The following LOC400499 variants were observed in gnomAD, a reference collection of about 807,000 sequenced individuals.
At chr16:11,455,323 G>T in the LOC400499 span, among the ~76,000 whole-genome samples, 40 of 152,276 alleles carry the variant, frequency 2.6e-4, no homozygotes, top group East Asian at 7.1e-3. Context: ...AACCTATGGA[G>T]AAGGCCTAAA....
At chr16:11,516,274 G>T in the LOC400499 span, 1 of 399,664 alleles carries the variant, frequency 2.5e-6, no homozygotes, top group Non-Finnish European at 4.4e-6. Flanking sequence ...CAGAGTGCAG[G>T]ATGAAGCGGA....
chr16:11,508,338 C>A, the LOC400499 span, among the ~76,000 whole-genome samples: 4 of 152,336 alleles, frequency 2.6e-5, no homozygotes, highest in East Asian at 7.7e-4. Flanking sequence ...CCAGGAGTTT[C>A]GGAGGAGGCC....
the LOC400499 span, among the ~76,000 whole-genome samples, chr16:11,410,860 G>C: frequency 1.3e-5 from 2 of 152,230 alleles, no homozygotes; most frequent in Admixed American, 1.3e-4. Flanking sequence ...GCACTCCTAC[G>C]ACCCCTCAAG....
chr16:11,457,059 C>T, the LOC400499 span: 3 of 1,500,340 alleles, frequency 2.0e-6, no homozygotes, highest in Non-Finnish European at 8.9e-7. Flanking sequence ...GCCCACCCCC[C>T]CAAGATGCCA....
chr16:11,511,519 GA>G, the LOC400499 span, among the ~76,000 whole-genome samples: 57 of 152,082 alleles, frequency 3.7e-4, no homozygotes, highest in South Asian at 3.5e-3. Flanking sequence ...CAATGAAAAA[GA>G]AAAAAATCCA....
the LOC400499 span, among the ~76,000 whole-genome samples, chr16:11,510,049 C>G: frequency 6.6e-6 from 1 of 151,582 alleles, no homozygotes; most frequent in East Asian, 1.9e-4. Context: ...TGCATTCGTC[C>G]TGTGACTGCT....
the LOC400499 span, chr16:11,476,886 CA>C: frequency 7.5e-6 from 3 of 399,480 alleles, no homozygotes; most frequent in Non-Finnish European, 1.3e-5. Flanking sequence ...TCACCCACCT[CA>C]GCCCGGCCTG....
the LOC400499 span, among the ~76,000 whole-genome samples, chr16:11,512,373 C>A: frequency 6.6e-6 from 1 of 152,066 alleles, no homozygotes; most frequent in African/African-American, 2.4e-5. Context: ...CCGAGGCAGG[C>A]AGATCAGACA....
the LOC400499 span, among the ~76,000 whole-genome samples, chr16:11,487,929 C>T: frequency 6.6e-6 from 1 of 152,044 alleles, no homozygotes; most frequent in African/African-American, 2.4e-5. Context: ...GCCTGGCCAG[C>T]ATGGTGAAAC....
the LOC400499 span, chr16:11,384,810 C>T: frequency 1.7e-6 from 2 of 1,199,138 alleles, no homozygotes; most frequent in Admixed American, 4.2e-5. Flanking sequence ...TAGCCCCCTG[C>T]CGCCCTGGAA....
the LOC400499 span, chr16:11,508,925 G>C: frequency 2.5e-6 from 1 of 398,204 alleles, no homozygotes; most frequent in Admixed American, 4.4e-5. Flanking sequence ...AGCCCTCTGG[G>C]AGTCGCCCCC....
At chr16:11,413,190 G>A in the LOC400499 span, among the ~76,000 whole-genome samples, 1 of 152,294 alleles carries the variant, frequency 6.6e-6, no homozygotes, top group East Asian at 1.9e-4. Context: ...CTGCAGCCCA[G>A]ACGTCGACAG....
the LOC400499 span, among the ~76,000 whole-genome samples, chr16:11,520,046 C>T: frequency 6.6e-6 from 1 of 152,060 alleles, no homozygotes; most frequent in Non-Finnish European, 1.5e-5. Context: ...CAGGCAAGTT[C>T]ATAGAGACAG....
At chr16:11,490,638 T>C in the LOC400499 span, among the ~76,000 whole-genome samples, 4 of 152,150 alleles carry the variant, frequency 2.6e-5, no homozygotes, top group Non-Finnish European at 4.4e-5. Context: ...GAGGCAGAGC[T>C]TGCAGTGAGC....
At chr16:11,466,145 A>T in the LOC400499 span, among the ~76,000 whole-genome samples, 2 of 152,170 alleles carry the variant, frequency 1.3e-5, no homozygotes, top group African/African-American at 4.8e-5. Context: ...TAAAGTGGAT[A>T]TATTAACTCC....
the LOC400499 span, among the ~76,000 whole-genome samples, chr16:11,445,640 G>A: frequency 6.6e-6 from 1 of 152,136 alleles, no homozygotes; most frequent in Admixed American, 6.5e-5. Flanking sequence ...ATGCGAAGAG[G>A]CTGGATGAGG....
chr16:11,376,079 A>G, the LOC400499 span, among the ~76,000 whole-genome samples: 3 of 152,136 alleles, frequency 2.0e-5, no homozygotes, highest in African/African-American at 4.8e-5. Flanking sequence ...TTGTTGTTAC[A>G]TTGTGAGAGT....
chr16:11,438,592 G>A, the LOC400499 span, among the ~76,000 whole-genome samples: 12 of 133,958 alleles, frequency 9.0e-5, no homozygotes, highest in East Asian at 8.8e-4. Flanking sequence ...GCAACATAGC[G>A]AGACCCTGTC....
the LOC400499 span, among the ~76,000 whole-genome samples, chr16:11,488,180 C>A: frequency 6.6e-6 from 1 of 151,656 alleles, no homozygotes; most frequent in East Asian, 1.9e-4. Context: ...CTTTTTAGGA[C>A]TACCTTCTCT....
Sources: gnomAD v4.1 joint callset for allele counts (sites outside exome capture counted in the v4.1 genomes callset) on GRCh38, gnomAD v4.1.1 for gene constraint, MANE v1.5 for transcripts.